CCDC73: variants seen among roughly 807,000 people sequenced by gnomAD.
CCDC73 encodes the protein coiled-coil domain containing 73, also known as coiled-coil domain-containing protein 73.
CCDC73 carries 95 observed loss-of-function variants against 116.5 expected under a neutral mutation model. That is an observed-to-expected ratio of 0.82 (90% CI 0.69 to 0.97). The LOEUF is 0.97. Among genes scored for constraint, CCDC73 ranks in the 50% least tolerant of loss-of-function variants. The pLI is 0.00. For missense variants in CCDC73, 1,066 were observed against 1,206.8 expected (o/e 0.88, Z 1.73); for synonymous variants, 398 against 401.3 (o/e 0.99, Z 0.10).
At chr11:32,631,544 G>A (rs1042279547) in intron 14 of CCDC73, among the ~76,000 whole-genome samples, 4 of 149,908 alleles carry the variant, frequency 2.7e-5, no homozygotes, top group Admixed American at 6.7e-5. Flanking sequence ...AAAATATTTT[G>A]AGCCTGGGCA....
In CCDC73 at chr11:32,687,941, C is replaced by A. The variant is rs1189852263; in HGVS notation, c.391-4367G>T. On this transcript the variant is annotated intron_variant, in intron 6 of 17. Transcript: ENST00000335185. Reference sequence around the variant, plus strand: ...ATGTCAAAAAATACTCAGCAACCAGCTTGAATGGACTCCCACTGGCCAAAC... The same window carrying A: ...ATGTCAAAAAATACTCAGCAACCAGATTGAATGGACTCCCACTGGCCAAAC... Among the ~76,000 whole-genome samples, 5 of 152,064 alleles carry A rather than the reference C, an allele frequency of 3.3e-5. No homozygotes were observed. The East Asian group carries it at 9.6e-4, about 29-fold the overall frequency.
intron 14 of CCDC73, among the ~76,000 whole-genome samples, chr11:32,635,181 A>AC (rs34405599): frequency 0.73 from 110,876 of 152,040 alleles, 41,304 homozygotes; most frequent in African/African-American, 0.78. Context: ...GCCAAATAAA[A>AC]CCCACAGACT....
chr11:32,788,915 T>A (rs1438243607), intron 1 of CCDC73, among the ~76,000 whole-genome samples: 1 of 151,932 alleles, frequency 6.6e-6, no homozygotes, highest in African/African-American at 2.4e-5. Context: ...GTTCAAAGAG[T>A]TCAAAGTCAT....
chr11:32,783,640 A>T (rs1014286498), intron 1 of CCDC73, among the ~76,000 whole-genome samples: 21 of 151,062 alleles, frequency 1.4e-4, no homozygotes, highest in African/African-American at 5.1e-4. Context: ...TTTTATTTTT[A>T]TTTTTTTTTC....
chr11:32,676,102 T>G, intron 7 of CCDC73, 81 bp from the exon 8 acceptor site: 1 of 1,172,206 alleles, frequency 8.5e-7, no homozygotes, highest in Middle Eastern at 2.0e-4. Context: ...AAATATATTG[T>G]GGTAAACCAC....
At chr11:32,731,862 C>G (rs1850081380) in intron 2 of CCDC73, among the ~76,000 whole-genome samples, 1 of 152,328 alleles carries the variant, frequency 6.6e-6, no homozygotes, top group Non-Finnish European at 1.5e-5. Context: ...CTCTTCTCCT[C>G]CAAAGGAAAG....
chr11:32,613,317 T>G, intron 16 of CCDC73, 105 bp downstream of exon 16: 1 of 947,746 alleles, frequency 1.1e-6, no homozygotes, highest in South Asian at 1.9e-5. Context: ...TAATTTAAAA[T>G]AAGACGAACT....
chr11:32,701,960 T>C (rs1387349172), intron 4 of CCDC73, among the ~76,000 whole-genome samples: 1 of 152,192 alleles, frequency 6.6e-6, no homozygotes, highest in East Asian at 1.9e-4. Context: ...AGTATCCTTA[T>C]CTTGCCCAAA....
At chr11:32,719,294 T>G (rs1421977626) in intron 2 of CCDC73, among the ~76,000 whole-genome samples, 1 of 152,184 alleles carries the variant, frequency 6.6e-6, no homozygotes, top group Non-Finnish European at 1.5e-5. Flanking sequence ...GTATTGAAGG[T>G]GTGCCTCAAC....
Position 32,602,916 on chromosome 11 carries a change from C to T in CCDC73, c.3135G>A (p.Thr1045=), listed in dbSNP as rs748378925. ...SGDDDWQSLI[T]NQLNKSENLL... is the part of the protein sequence containing the mutation. ...AATTTTCACTTTTATTTAGTTGATT[C>T]GTAATGAGGCTCTGCCAGTCATCAT... The change falls in exon 18 of 18, where the codon ACG becomes ACA. Residue 1045 remains threonine, a synonymous_variant. Coordinates refer to ENST00000335185, the MANE Select transcript of CCDC73 (RefSeq NM_001008391.4). 24 of 1,612,336 alleles carry T rather than the reference C, an allele frequency of 1.5e-5. No homozygotes were observed. Among genetic ancestry groups the T allele is most frequent in the East Asian group, 8.9e-5 (4 of 44,836 alleles).
chr11:32,613,788 C>G lies in CCDC73; in HGVS notation c.2530G>C (p.Glu844Gln), dbSNP rs368700898. The change falls in exon 16 of 18, where the codon GAG (glutamate) becomes CAG (glutamine). Residue 844 changes from glutamate to glutamine, a missense_variant. Physicochemically the swap from Glu to Gln is conservative, Grantham distance 29 (BLOSUM62 2). Coordinates refer to ENST00000335185, the MANE Select transcript of CCDC73 (RefSeq NM_001008391.4). ...ATGTCATTTAATGATTCTGTTTTCTCTGTATTATTTAACAATGTATGCTGT... is the reference window on the plus strand; with the variant it reads ...ATGTCATTTAATGATTCTGTTTTCTGTGTATTATTTAACAATGTATGCTGT... Reference protein sequence around the residue: ...ERQHTLLNNTEKTESLNDIVS... With the variant: ...ERQHTLLNNTQKTESLNDIVS... 6.5e-5 allele frequency: 105 copies of G among 1,613,632 alleles called. No individual in the cohort carries two copies. The highest frequency in any genetic ancestry group is 8.6e-5 in the Non-Finnish European group (101 of 1,179,908).
intron 3 of CCDC73, among the ~76,000 whole-genome samples, chr11:32,710,311 C>G (rs898648838): frequency 3.9e-5 from 6 of 152,096 alleles, no homozygotes; most frequent in Admixed American, 3.3e-4. Flanking sequence ...CTTTTTGATA[C>G]AGGCATTTAA....
In CCDC73 at chr11:32,614,449, G is replaced by T; in HGVS notation, c.1869C>A (p.Asp623Glu). The T allele has an allele frequency of 6.2e-7, 1 of 1,613,386 alleles. No homozygotes were observed. Among genetic ancestry groups the T allele is most frequent in the East Asian group, 2.2e-5 (1 of 44,814 alleles). Reference protein sequence around the residue: ...HALEKEITNSDQTKADLDSSL... With the variant: ...HALEKEITNSEQTKADLDSSL... ...ACGAGTCCAAATCTGCTTTGGTTTG[G>T]TCACTATTTGTAATTTCCTTCTCTA... Residue 623 changes from aspartate (D) to glutamate (E), a missense_variant, in exon 16 of 18, where the codon GAC (aspartate) becomes GAA (glutamate). By Grantham distance (45) the Asp-to-Glu change is conservative. Transcript: ENST00000335185.
chr11:32,612,504 T>C (rs1374421979), intron 16 of CCDC73, among the ~76,000 whole-genome samples: 1 of 151,838 alleles, frequency 6.6e-6, no homozygotes, highest in Non-Finnish European at 1.5e-5. Context: ...TTTGGGAAGC[T>C]GAGGCAGGAG....
At chr11:32,748,656 C>A (rs1487535272) in intron 2 of CCDC73, among the ~76,000 whole-genome samples, 1 of 152,128 alleles carries the variant, frequency 6.6e-6, no homozygotes, top group African/African-American at 2.4e-5. Context: ...GTGAGTTTTA[C>A]CTTCAGATGA....
chr11:32,767,246 G>A (rs1850451000), intron 1 of CCDC73, among the ~76,000 whole-genome samples: 1 of 152,204 alleles, frequency 6.6e-6, no homozygotes, highest in Admixed American at 6.5e-5. Context: ...AACAAATGGT[G>A]CTGGGAAAAC....
chr11:32,769,944 G>C (rs569985338), intron 1 of CCDC73, among the ~76,000 whole-genome samples: 16 of 152,262 alleles, frequency 1.1e-4, no homozygotes, highest in African/African-American at 3.9e-4. Context: ...ATATATTTTA[G>C]ATTTGTATTA....
intron 5 of CCDC73, among the ~76,000 whole-genome samples, chr11:32,699,882 ATAT>A (rs749505940): frequency 2.8e-4 from 25 of 90,762 alleles, no homozygotes; most frequent in East Asian, 2.3e-3. Context: ...ATTAAAAAAT[ATAT>A]ATATATATAT....
the CCDC73 span, among the ~76,000 whole-genome samples, chr11:32,807,962 T>C: frequency 6.6e-6 from 1 of 152,236 alleles, no homozygotes; most frequent in Non-Finnish European, 1.5e-5. Context: ...ATTTTCTGAT[T>C]CTTTTTCTCC....
Sources: gnomAD v4.1 joint callset for allele counts (sites outside exome capture counted in the v4.1 genomes callset) on GRCh38, gnomAD v4.1.1 for gene constraint, MANE v1.5 for transcripts, NCBI Gene and HGNC (gene_info 2026-07-23, HGNC 2026-07-21) for gene names.